Variants in AR observed in about 807,000 individuals in gnomAD.
The protein encoded by AR is androgen receptor, also known as dihydrotestosterone receptor.
In AR, 8 loss-of-function variants were observed where a neutral mutation model predicts 53.9. The observed-to-expected ratio is 0.15, with a 90% CI of 0.09 to 0.27. AR has a LOEUF of 0.27. Among genes scored for constraint, AR ranks in the 10% least tolerant of loss-of-function variants. AR has a pLI of 1.00. For missense variants in AR, 639 were observed against 742.5 expected (o/e 0.86, Z 1.62); for synonymous variants, 359 against 316.4 (o/e 1.13, Z -1.43).
chrX:67,705,099 T>C (rs1483258883), intron 3 of AR, among the ~76,000 whole-genome samples: 2 of 111,721 alleles, frequency 1.8e-5, no homozygotes, highest in Non-Finnish European at 3.8e-5. Flanking sequence ...AGCTTTGTTC[T>C]TTTGGCTTAG....
rs192787603 is a variant in AR at position 67,687,077 on chromosome X, G to A, written c.1885+951G>A. Among the ~76,000 whole-genome samples the A allele has an allele frequency of 4.5e-5, 5 of 111,806 alleles. No individual in the cohort carries two copies. In the East Asian group the frequency reaches 1.4e-3, roughly 32 times the overall value. ...AAGAAAGGCAAGCCTATTTCTGAGT[G>A]CCTGCAACTGTAGCCTCATACCCAA... is the stretch of plus-strand genomic sequence containing the variant. On this transcript the variant is annotated intron_variant, in intron 3 of 7. Transcript: ENST00000374690.
At chrX:67,689,533 C>T (rs1233854725) in intron 3 of AR, 2 of 953,533 alleles carry the variant, frequency 2.1e-6, no homozygotes, top group Non-Finnish European at 2.7e-6. Flanking sequence ...GCCTACCTAC[C>T]TGTTTCTTGC....
At chrX:67,551,001 GTTTTT>G (rs1213943835) in intron 1 of AR, among the ~76,000 whole-genome samples, 1 of 76,633 alleles carries the variant, frequency 1.3e-5, no homozygotes, top group Non-Finnish European at 2.3e-5. Flanking sequence ...GAATAGCTGG[GTTTTT>G]TTTTTTTTTT....
intron 2 of AR, among the ~76,000 whole-genome samples, chrX:67,654,024 C>G (rs910746345): frequency 9.0e-6 from 1 of 111,553 alleles, no homozygotes; most frequent in African/African-American, 3.3e-5. Flanking sequence ...ACAGATAATC[C>G]AGATGCATCC....
At chrX:67,689,556 C>A (rs1178814299) in intron 3 of AR, 2 of 962,251 alleles carry the variant, frequency 2.1e-6, no homozygotes, top group East Asian at 1.5e-4. Context: ...TTTTTTCTAG[C>A]AGCTGTTGTT....
intron 1 of AR, among the ~76,000 whole-genome samples, chrX:67,624,502 C>G (rs1029149808): frequency 9.0e-6 from 1 of 111,247 alleles, no homozygotes; most frequent in Admixed American, 9.6e-5. Context: ...AGGCTGGAAC[C>G]CTTTCCAACT....
In AR at chrX:67,545,641, C is replaced by A. The variant is rs2147316753; in HGVS notation, c.495C>A (p.Ser165=). The change falls in exon 1 of 8, where the codon TCC becomes TCA. Residue 165 remains serine (S), a synonymous_variant. Coordinates refer to ENST00000374690, the MANE Select transcript of AR (RefSeq NM_000044.6). ...ACTCAGCTGCCCCATCCACGTTGTCCCTGCTGGGCCCCACTTTCCCCGGCT... is the reference window on the plus strand; with the variant it reads ...ACTCAGCTGCCCCATCCACGTTGTCACTGCTGGGCCCCACTTTCCCCGGCT... ...EDDSAAPSTL[S]LLGPTFPGLS... The A allele has an allele frequency of 8.4e-7, 1 of 1,194,323 alleles. No homozygotes were observed. Among genetic ancestry groups the A allele is most frequent in the Non-Finnish European group, 1.1e-6 (1 of 886,447 alleles).
chrX:67,656,032 G>T (rs914963669), intron 2 of AR, among the ~76,000 whole-genome samples: 1 of 111,823 alleles, frequency 8.9e-6, no homozygotes, highest in African/African-American at 3.3e-5. Flanking sequence ...CCATCCCCAA[G>T]TACCCAAAAC....
intron 1 of AR, among the ~76,000 whole-genome samples, chrX:67,563,256 C>T (rs867807882): frequency 4.5e-5 from 5 of 111,193 alleles, no homozygotes; most frequent in African/African-American, 1.6e-4. Context: ...GTATGTTGAC[C>T]GATGTTCAGG....
At chrX:67,599,244 A>G (rs757113816) in intron 1 of AR, among the ~76,000 whole-genome samples, 6 of 111,971 alleles carry the variant, frequency 5.4e-5, no homozygotes, top group Non-Finnish European at 9.4e-5. Context: ...AATGTAGACT[A>G]AATACTTGCT....
chrX:67,660,745 G>A (rs1045002801), intron 2 of AR, among the ~76,000 whole-genome samples: 1 of 111,507 alleles, frequency 9.0e-6, no homozygotes, highest in African/African-American at 3.3e-5. Context: ...TTCCATTTCT[G>A]TGAAGAAAGT....
chrX:67,654,984 C>T (rs188485013), intron 2 of AR, among the ~76,000 whole-genome samples: 67 of 104,273 alleles, frequency 6.4e-4, no homozygotes, highest in African/African-American at 2.2e-3. Context: ...TGGTCTATGA[C>T]TCTATTTTGT....
chrX:67,603,356 T>C, intron 1 of AR, among the ~76,000 whole-genome samples: 1 of 111,557 alleles, frequency 9.0e-6, no homozygotes, highest in Middle Eastern at 4.6e-3. Flanking sequence ...AGGTAAAATA[T>C]GGGTCACACT....
At chrX:67,627,616 G>A (rs998749408) in intron 1 of AR, among the ~76,000 whole-genome samples, 1 of 111,605 alleles carries the variant, frequency 9.0e-6, no homozygotes, top group Non-Finnish European at 1.9e-5. Flanking sequence ...CTTTTGCTGT[G>A]CAGAAGCTCT....
chrX:67,595,227 G>C (rs1474145486), intron 1 of AR, among the ~76,000 whole-genome samples: 3 of 110,880 alleles, frequency 2.7e-5, no homozygotes, highest in Non-Finnish European at 5.7e-5. Flanking sequence ...TTGTTGATGA[G>C]AGCTGTGTCA....
Position 67,686,531 on chromosome X carries a change from A to G in AR, c.1885+405A>G, listed in dbSNP as rs774999682. ...AGGATGACCCAGGCATAGGCGCAGG[A>G]TGACCCAGGCACAGGCTGATCCTGA... is the stretch of plus-strand genomic sequence containing the variant. On this transcript the variant is annotated intron_variant, in intron 3 of 7. Coordinates refer to ENST00000374690, the MANE Select transcript of AR (RefSeq NM_000044.6). 3.6e-5 allele frequency among the ~76,000 whole-genome samples: 4 copies of G among 110,906 alleles called. No individual in the cohort carries two copies. The South Asian group carries it at 1.6e-3, about 43-fold the overall frequency.
rs909035366 is a variant in AR, at chrX:67,723,318, G to C, written c.2607+334G>C. Among the ~76,000 whole-genome samples, 139 of 97,698 alleles carry C rather than the reference G, an allele frequency of 1.4e-3. 1 individual carries two copies. Among genetic ancestry groups the C allele is most frequent in the East Asian group, 6.7e-3 (20 of 2,976 alleles). The allele number at this position is 97,698 out of a possible 115,157, so 84.8% of individuals were successfully genotyped here. ...TTCATGTGAGTTTGTCTGTCTGTGT[G>C]TGTGTGTGTGTGTGTGTGTGTGTGT... is the stretch of plus-strand genomic sequence containing the variant. On this transcript the variant is annotated intron_variant, in intron 7 of 7. Transcript: ENST00000374690.
At chrX:67,665,641 C>A (rs915840543) in intron 2 of AR, among the ~76,000 whole-genome samples, 1 of 111,253 alleles carries the variant, frequency 9.0e-6, no homozygotes, top group Admixed American at 9.6e-5. Flanking sequence ...CATGTACACA[C>A]ACATCTAATA....
intron 1 of AR, among the ~76,000 whole-genome samples, chrX:67,580,222 A>G (rs941129469): frequency 9.1e-6 from 1 of 110,203 alleles, no homozygotes; most frequent in African/African-American, 3.3e-5. Context: ...CCTGACAGAG[A>G]TTTCTGACCA....
Sources: gnomAD v4.1 joint callset for allele counts (sites outside exome capture counted in the v4.1 genomes callset) on GRCh38, gnomAD v4.1.1 for gene constraint, MANE v1.5 for transcripts, NCBI Gene and HGNC (gene_info 2026-07-23, HGNC 2026-07-21) for gene names.